ARAP2: variants seen among roughly 807,000 people sequenced by gnomAD.
ARAP2 encodes ArfGAP with RhoGAP domain, ankyrin repeat and PH domain 2, also known as arf-GAP with Rho-GAP domain, ANK repeat and PH domain-containing protein 2.
A neutral mutation model predicts 194.5 loss-of-function variants in ARAP2; 148 were observed. The observed-to-expected ratio is 0.76, with a 90% CI of 0.67 to 0.87. The LOEUF (loss-of-function observed/expected upper bound fraction) is 0.87, where lower values mean the gene tolerates loss of function less well. ARAP2 is among the 40% of genes least tolerant of loss of function. The pLI is 0.00. For missense variants in ARAP2, 2,128 were observed against 1,989.7 expected, an observed-to-expected ratio of 1.07 and a Z score of -1.32; for synonymous variants, 695 against 683.5, an observed-to-expected ratio of 1.02 and a Z score of -0.26.
intron 28 of ARAP2, among the ~76,000 whole-genome samples, chr4:36,085,111 A>T (rs1370805017): frequency 1.3e-5 from 2 of 152,004 alleles, no homozygotes; most frequent in Admixed American, 1.3e-4. Context: ...TGTTTGTACT[A>T]GTTCTTTATG....
chr4:36,142,804 C>A (rs1387654884), intron 19 of ARAP2, among the ~76,000 whole-genome samples: 1 of 151,688 alleles, frequency 6.6e-6, no homozygotes, highest in African/African-American at 2.4e-5. Context: ...TTTATTTCCA[C>A]AGAATCACCC....
At chr4:36,170,808 G>A (rs1254311773) in intron 9 of ARAP2, among the ~76,000 whole-genome samples, 2 of 152,112 alleles carry the variant, frequency 1.3e-5, no homozygotes, top group Non-Finnish European at 2.9e-5. Flanking sequence ...GCAAAGCAGT[G>A]CTTAGTAAGT....
At position 36,159,467 on chromosome 4, in the gene ARAP2, T is replaced by C; in HGVS notation, c.2481A>G (p.Glu827=). The part of the protein sequence containing the change: ...CAAVVKPDVL[E]TMALLFSGAD... ...CTCCACTGAACAGCAAAGCCATTGT[T>C]TCTAGAACATCCGGTTTCACTACAG... The change falls in exon 14 of 33, where the codon GAA becomes GAG. Residue 827 remains glutamate, a synonymous_variant. Transcript: ENST00000303965. 6.3e-7 allele frequency: 1 copy of C among 1,592,622 alleles called. No homozygotes were observed. Among genetic ancestry groups the C allele is most frequent in the Non-Finnish European group, 8.6e-7 (1 of 1,166,612 alleles).
intron 8 of ARAP2, among the ~76,000 whole-genome samples, chr4:36,014,872 T>C (rs58483185): frequency 2.0e-5 from 3 of 152,194 alleles, no homozygotes; most frequent in Non-Finnish European, 4.4e-5. Flanking sequence ...TCTCCCTGTG[T>C]GAAAGATTTC....
intron 14 of ARAP2, 130 bp downstream of exon 14, chr4:36,159,201 C>T (rs1733333337): frequency 1.0e-6 from 1 of 996,866 alleles, no homozygotes; most frequent in East Asian, 2.8e-5. Context: ...TAGGCATCTC[C>T]ATCTTTTTGG....
At chr4:36,126,107 A>G (rs951487236) in intron 21 of ARAP2, among the ~76,000 whole-genome samples, 2 of 152,016 alleles carry the variant, frequency 1.3e-5, no homozygotes, top group Non-Finnish European at 2.9e-5. Flanking sequence ...ACACATGAGT[A>G]TACTGAATTA....
At position 36,161,852 on chromosome 4, in the gene ARAP2, T is replaced by TA. The variant is rs1196573262; in HGVS notation, c.2174-303dup. Among the ~76,000 whole-genome samples, 6 of 148,320 alleles carry TA rather than the reference T, an allele frequency of 4.0e-5. No individual in the cohort carries two copies. The East Asian group carries it at 9.9e-4, about 24-fold the overall frequency. ...GGCCTGGCGCGGTGGCTCACGCCTG[T>TA]AATCCCAGCACTTTGGAAGGCCGAG... On this transcript the variant is annotated intron_variant, in intron 11 of 32. Transcript: ENST00000303965.
At chr4:36,123,329 G>A (rs1723111723) in intron 22 of ARAP2, among the ~76,000 whole-genome samples, 1 of 151,740 alleles carries the variant, frequency 6.6e-6, no homozygotes, top group South Asian at 2.1e-4. Flanking sequence ...GGTAGGGATT[G>A]AATTAAAGGC....
chr4:36,043,984 A>C (rs1721391129), intron 5 of ARAP2, among the ~76,000 whole-genome samples: 2 of 152,266 alleles, frequency 1.3e-5, no homozygotes, highest in African/African-American at 2.4e-5. Flanking sequence ...TCAAGTAATT[A>C]GTGAATATAT....
At position 36,159,313 on chromosome 4, in the gene ARAP2, G is replaced by A. The variant is rs1733362602; in HGVS notation, c.2617+18C>T. The A allele has an allele frequency of 1.3e-6, 2 of 1,578,988 alleles. No homozygotes were observed. The highest frequency in any genetic ancestry group is 8.6e-7 in the Non-Finnish European group (1 of 1,159,296). On this transcript the variant is annotated intron_variant, in intron 14 of 32. Transcript: ENST00000303965. ...ATCTATCAGAAGAGACCAGGTTAAT[G>A]AAGAGACAGTGACGAACCTGAGAAT...
At chr4:36,186,314 C>T (rs1740555768) in intron 8 of ARAP2, among the ~76,000 whole-genome samples, 1 of 152,092 alleles carries the variant, frequency 6.6e-6, no homozygotes, top group South Asian at 2.1e-4. Context: ...CTGGCTCCTC[C>T]CCAACCCTTA....
rs1282152733 is a variant in ARAP2 at position 36,229,544 on chromosome 4, CAAG to C, written c.-61_-59del. 3.0e-6 allele frequency: 4 copies of C among 1,344,688 alleles called. No homozygotes were observed. The highest frequency in any genetic ancestry group is 2.9e-5 in the African/African-American group (2 of 68,352). 83.3% of individuals were successfully genotyped at this position (1,344,688 alleles called of 1,614,324 possible). On this transcript the variant is annotated 5_prime_UTR_variant, in exon 2 of 33. Transcript: ENST00000303965. ...AAAGTGGCACGATGAGACACACACA[CAAG>C]AAGATGTACTTCTCTACTGGCTTTT...
intron 5 of ARAP2, among the ~76,000 whole-genome samples, chr4:36,036,761 C>T (rs999004662): frequency 2.6e-5 from 4 of 152,060 alleles, no homozygotes; most frequent in African/African-American, 9.7e-5. Context: ...TGTTATATAG[C>T]TTTTGCTAGT....
Position 36,128,724 on chromosome 4 carries a change from T to A in ARAP2, c.3449A>T (p.Tyr1150Phe), listed in dbSNP as rs528084847. The A allele has an allele frequency of 1.4e-5, 22 of 1,607,800 alleles. No homozygotes were observed. In the South Asian group the frequency reaches 2.2e-4, roughly 16 times the overall value. ...TQYGLGCKYI[Y>F]QKNGDPLHIS... Reference sequence around the variant, plus strand: ...ATGCAAAGGATCACCATTCTTTTGATAGATATATTTGCATCCTAAACCTTT... The same window carrying A: ...ATGCAAAGGATCACCATTCTTTTGAAAGATATATTTGCATCCTAAACCTTT... Residue 1150 changes from tyrosine to phenylalanine, a missense_variant, in exon 21 of 33, where the codon TAT becomes TTT. Physicochemically the swap from Tyr to Phe is conservative, Grantham distance 22. Coordinates refer to ENST00000303965, the MANE Select transcript of ARAP2 (RefSeq NM_015230.4).
intron 27 of ARAP2, among the ~76,000 whole-genome samples, chr4:36,099,986 C>T (rs1371551261): frequency 1.3e-5 from 2 of 152,012 alleles, no homozygotes; most frequent in Non-Finnish European, 2.9e-5. Context: ...GATTTAGTTT[C>T]TAAGAGTCTA....
In ARAP2 at chr4:36,194,903, G is replaced by A. The variant is rs529205054; in HGVS notation, c.1488-1256C>T. 5.3e-4 allele frequency among the ~76,000 whole-genome samples: 80 copies of A among 151,814 alleles called. 2 individuals are homozygous for A. Among genetic ancestry groups the A allele is most frequent in the Non-Finnish European group, 2.2e-4 (15 of 67,988 alleles). On this transcript the variant is annotated intron_variant, in intron 6 of 32. Transcript: ENST00000303965. ...AAAAAAATATAAAATAAAAATTTTG[G>A]CCAGGCGTGGTGGCTCATGCTTATA...
intron 9 of ARAP2, among the ~76,000 whole-genome samples, chr4:36,010,718 T>C (rs896801953): frequency 3.3e-5 from 5 of 152,130 alleles, no homozygotes; most frequent in Admixed American, 3.3e-4. Flanking sequence ...CATAGATTAA[T>C]GGCCTTCCCC....
chr4:36,217,605 T>C (rs977595254), intron 2 of ARAP2, among the ~76,000 whole-genome samples: 35 of 152,000 alleles, frequency 2.3e-4, no homozygotes, highest in African/African-American at 5.1e-4. Flanking sequence ...GGTTGACATA[T>C]AAATATCAAT....
intron 20 of ARAP2, among the ~76,000 whole-genome samples, chr4:36,131,589 C>A (rs891248646): frequency 6.6e-6 from 1 of 151,334 alleles, no homozygotes; most frequent in African/African-American, 2.4e-5. Context: ...TTGAAAAAAT[C>A]GAATGCTGAG....
Sources: gnomAD v4.1 joint callset for allele counts (sites outside exome capture counted in the v4.1 genomes callset) on GRCh38, gnomAD v4.1.1 for gene constraint, MANE v1.5 for transcripts, NCBI Gene and HGNC (gene_info 2026-07-23, HGNC 2026-07-21) for gene names.